ZNF280C: variants seen among roughly 807,000 people sequenced by gnomAD.
The protein encoded by ZNF280C is suppressor of hairy wing homolog 3.
In ZNF280C, 14 loss-of-function variants were observed where a neutral mutation model predicts 53.6. That is an observed-to-expected ratio of 0.26 (90% CI 0.17 to 0.41). The LOEUF (loss-of-function observed/expected upper bound fraction) is 0.41, where lower values mean the gene tolerates loss of function less well. Ranked by LOEUF, ZNF280C falls within the 10% of genes least tolerant of loss-of-function variation. The pLI, the probability that ZNF280C is intolerant of heterozygous loss-of-function variation, is 1.00. For synonymous variants in ZNF280C, 203 were observed against 181.1 expected, an observed-to-expected ratio of 1.12 and a Z score of -0.97; for missense variants, 416 against 547.1, an observed-to-expected ratio of 0.76 and a Z score of 2.39.
chrX:130,204,719 C>A lies in ZNF280C; in HGVS notation c.*258G>T, dbSNP rs2031952648. The A allele has an allele frequency of 3.7e-6, 1 of 270,366 alleles. No individual in the cohort carries two copies. 22.3% of individuals were successfully genotyped at this position (270,366 alleles called of 1,213,427 possible). A position where few individuals can be genotyped will look rare whatever the true frequency, so the allele number is the denominator to read the frequency against. ...TATTCTGAAGGCAAGTCAAGTATAG[C>A]AGAGAAAAACAAAAGGCATTTTTGG... On this transcript the variant is annotated 3_prime_UTR_variant, in exon 19 of 19. Coordinates refer to ENST00000370978, the MANE Select transcript of ZNF280C (RefSeq NM_017666.5).
chrX:130,240,173 T>C (rs1337799179), intron 5 of ZNF280C, among the ~76,000 whole-genome samples: 1 of 111,448 alleles, frequency 9.0e-6, no homozygotes, highest in Non-Finnish European at 1.9e-5. Flanking sequence ...CTAAATAAAT[T>C]AAATGATACT....
intron 15 of ZNF280C, among the ~76,000 whole-genome samples, chrX:130,212,804 A>G (rs899830554): frequency 1.1e-4 from 12 of 111,607 alleles, no homozygotes; most frequent in African/African-American, 3.9e-4. Context: ...TGTGGTAGAG[A>G]GAAAGAGATG....
chrX:130,246,749 C>T (rs1459970733), intron 3 of ZNF280C, 110 bp downstream of exon 3: 2 of 947,687 alleles, frequency 2.1e-6, no homozygotes, highest in Admixed American at 5.7e-5. Context: ...CTCCCTCTTA[C>T]CTCTAACTCC....
rs542405493 is a variant in ZNF280C, at chrX:130,207,004, A to G, written c.2043-1589T>C. On this transcript the variant is annotated intron_variant, in intron 16 of 18. Transcript: ENST00000370978. ...TGCTACAATTATTACCTTTTTACAG[A>G]GGACAGAATTAGTTTCAGTAATCTA... is the stretch of plus-strand genomic sequence containing the variant. Among the ~76,000 whole-genome samples, 43 of 112,038 alleles carry G rather than the reference A, an allele frequency of 3.8e-4. No individual in the cohort carries two copies. The South Asian group carries it at 0.016, about 42-fold the overall frequency.
intron 10 of ZNF280C, among the ~76,000 whole-genome samples, chrX:130,228,774 G>C (rs1046595067): frequency 9.2e-6 from 1 of 108,680 alleles, no homozygotes; most frequent in Non-Finnish European, 1.9e-5. Flanking sequence ...CTCAGTAGCT[G>C]GGTGTATAGG....
intron 1 of ZNF280C, among the ~76,000 whole-genome samples, chrX:130,263,174 CAG>C (rs990418313): frequency 8.9e-6 from 1 of 112,056 alleles, no homozygotes; most frequent in African/African-American, 3.2e-5. Context: ...CAAAGTTAAA[CAG>C]AGTTATCACA....
At chrX:130,242,652 GC>G (rs1480870912) in intron 5 of ZNF280C, among the ~76,000 whole-genome samples, 4 of 111,747 alleles carry the variant, frequency 3.6e-5, no homozygotes, top group Non-Finnish European at 7.5e-5. Context: ...CAATTCTCCT[GC>G]CTCAGACTCC....
In ZNF280C at chrX:130,208,081, T is replaced by C. The variant is rs185507834; in HGVS notation, c.2042+1572A>G. Among the ~76,000 whole-genome samples the C allele has an allele frequency of 3.5e-3, 390 of 112,292 alleles. 3 individuals are homozygous for C. Among genetic ancestry groups the C allele is most frequent in the African/African-American group, 0.012 (374 of 30,955 alleles). On this transcript the variant is annotated intron_variant, in intron 16 of 18. Coordinates refer to ENST00000370978, the MANE Select transcript of ZNF280C (RefSeq NM_017666.5). ...TATTTCATTTTAACAAAATAGTAAT[T>C]ATGAAAAAATTGTTTATAGAAATAC...
chrX:130,216,773 C>T (rs551817420), intron 13 of ZNF280C, among the ~76,000 whole-genome samples: 25 of 111,257 alleles, frequency 2.2e-4, no homozygotes, highest in African/African-American at 7.2e-4. Flanking sequence ...CCGAGGTGGG[C>T]GGATCACTTG....
chrX:130,260,592 G>A (rs193272457), intron 1 of ZNF280C, 127 bp from the exon 2 acceptor site: 5 of 376,999 alleles, frequency 1.3e-5, no homozygotes, highest in African/African-American at 1.3e-4. Context: ...CTCACCATAT[G>A]ACTCCAGACA....
At chrX:130,225,534 C>A (rs1169296543) in intron 12 of ZNF280C, among the ~76,000 whole-genome samples, 1 of 110,857 alleles carries the variant, frequency 9.0e-6, no homozygotes, top group Non-Finnish European at 1.9e-5. Context: ...GTAAATCCAG[C>A]CATTCACTAA....
rs767187750 is a variant in ZNF280C, at chrX:130,205,020, A to G, written c.2199-28T>C. On this transcript the variant is annotated intron_variant, in intron 18 of 18. Coordinates refer to ENST00000370978, the MANE Select transcript of ZNF280C (RefSeq NM_017666.5). Reference sequence around the variant, plus strand: ...TTAAGAAAAAAAAAAAAAAACTTTAATATTTTTCATTTATATTAATATTAA... The same window carrying G: ...TTAAGAAAAAAAAAAAAAAACTTTAGTATTTTTCATTTATATTAATATTAA... 8.8e-6 allele frequency: 9 copies of G among 1,017,280 alleles called. No individual in the cohort carries two copies. The East Asian group carries it at 2.6e-4, about 30-fold the overall frequency. The allele number at this position is 1,017,280 out of a possible 1,213,427, so 83.8% of individuals were successfully genotyped here. A position where few individuals can be genotyped will look rare whatever the true frequency, so the allele number is the denominator to read the frequency against.
intron 16 of ZNF280C, among the ~76,000 whole-genome samples, chrX:130,207,493 C>T (rs767752663): frequency 2.7e-5 from 3 of 110,730 alleles, no homozygotes; most frequent in African/African-American, 6.6e-5. Flanking sequence ...TGAGTAGCTG[C>T]GATTACAGGC....
intron 16 of ZNF280C, among the ~76,000 whole-genome samples, chrX:130,205,636 T>C (rs1483367392): frequency 9.0e-6 from 1 of 110,686 alleles, no homozygotes; most frequent in Non-Finnish European, 1.9e-5. Flanking sequence ...CCCAGCACTT[T>C]GGGAGGCAGA....
intron 2 of ZNF280C, among the ~76,000 whole-genome samples, chrX:130,248,971 G>T (rs770757607): frequency 1.2e-4 from 13 of 111,625 alleles, no homozygotes; most frequent in Non-Finnish European, 2.3e-4. Context: ...ACCCTCCTCT[G>T]CCATACTACC....
At chrX:130,228,009 G>A (rs2032237597) in intron 10 of ZNF280C, among the ~76,000 whole-genome samples, 1 of 111,559 alleles carries the variant, frequency 9.0e-6, no homozygotes, top group South Asian at 3.7e-4. Flanking sequence ...TTTTTCAGAT[G>A]AGGAACCAGA....
chrX:130,213,444 T>C (rs1343394841), intron 15 of ZNF280C, among the ~76,000 whole-genome samples: 5 of 111,939 alleles, frequency 4.5e-5, no homozygotes, highest in African/African-American at 1.6e-4. Context: ...AGATCATGAA[T>C]TCAGAGCTGA....
chrX:130,242,592 T>A (rs952525178), intron 5 of ZNF280C, among the ~76,000 whole-genome samples: 4 of 112,329 alleles, frequency 3.6e-5, no homozygotes, highest in Non-Finnish European at 7.5e-5. Flanking sequence ...TGGGTTGGAG[T>A]GCAGTTGTGC....
chrX:130,205,693 A>G (rs2031965582), intron 16 of ZNF280C, among the ~76,000 whole-genome samples: 1 of 109,864 alleles, frequency 9.1e-6, no homozygotes, highest in Admixed American at 9.8e-5. Flanking sequence ...AGCCTGACCA[A>G]TATGGTGAAA....
Sources: allele counts gnomAD v4.1 joint callset (sites outside exome capture counted in the v4.1 genomes callset), GRCh38; gene constraint gnomAD v4.1.1; transcripts MANE v1.5; gene names NCBI Gene and HGNC (gene_info 2026-07-23, HGNC 2026-07-21).